The following SKAP2 variants were observed in gnomAD, a reference collection of about 807,000 sequenced individuals.
The protein encoded by SKAP2 is src kinase associated phosphoprotein 2, also known as src kinase-associated phosphoprotein 2.
In SKAP2, 28 loss-of-function variants were observed where a neutral mutation model predicts 54.9. That is an observed-to-expected ratio of 0.51 (90% CI 0.38 to 0.70). The LOEUF is 0.70. SKAP2 is among the 30% of genes least tolerant of loss of function. The pLI, the probability that SKAP2 is intolerant of heterozygous loss-of-function variation, is 0.00. For synonymous variants in SKAP2, 137 were observed against 134.3 expected (o/e 1.02, Z -0.14); for missense variants, 356 against 424.1 (o/e 0.84, Z 1.41).
intron 11 of SKAP2, among the ~76,000 whole-genome samples, chr7:26,680,762 T>C (rs998130223): frequency 6.6e-6 from 1 of 152,212 alleles, no homozygotes; most frequent in Non-Finnish European, 1.5e-5. Context: ...TTAGTGAGGT[T>C]CAAAGGTGAA....
intron 9 of SKAP2, among the ~76,000 whole-genome samples, chr7:26,712,031 T>C (rs1420072260): frequency 6.6e-6 from 1 of 152,154 alleles, no homozygotes; most frequent in Non-Finnish European, 1.5e-5. Flanking sequence ...TTGAGGGTTC[T>C]TTTTTTAAAC....
intron 9 of SKAP2, among the ~76,000 whole-genome samples, chr7:26,700,590 C>G (rs1179170096): frequency 6.6e-6 from 1 of 152,142 alleles, no homozygotes; most frequent in African/African-American, 2.4e-5. Context: ...GGCTTGGAGC[C>G]AATGAATAGC....
At chr7:26,661,737 T>G in the SKAP2 span, among the ~76,000 whole-genome samples, 1 of 152,184 alleles carries the variant, frequency 6.6e-6, no homozygotes, top group Admixed American at 6.5e-5. Flanking sequence ...ACTAAAATTA[T>G]TTCAAGTAGT....
chr7:26,839,039 G>A (rs1784767500), intron 4 of SKAP2, among the ~76,000 whole-genome samples: 1 of 152,014 alleles, frequency 6.6e-6, no homozygotes. Context: ...ATAATGTTGA[G>A]TTTTACTTAA....
At chr7:26,833,481 G>A (rs1014551580) in intron 4 of SKAP2, among the ~76,000 whole-genome samples, 2 of 151,498 alleles carry the variant, frequency 1.3e-5, no homozygotes, top group South Asian at 2.1e-4. Flanking sequence ...AGACCCATCT[G>A]ACGTGCAAAG....
At chr7:26,828,313 T>C (rs1373388913) in intron 4 of SKAP2, among the ~76,000 whole-genome samples, 1 of 152,182 alleles carries the variant, frequency 6.6e-6, no homozygotes, top group Non-Finnish European at 1.5e-5. Context: ...TAGCGGTATA[T>C]AAACAAAATA....
intron 4 of SKAP2, among the ~76,000 whole-genome samples, chr7:26,743,270 C>A (rs1782493811): frequency 1.3e-5 from 2 of 152,144 alleles, no homozygotes; most frequent in South Asian, 4.1e-4. Context: ...CGTTAGCTTT[C>A]ATTACCTATT....
Position 26,667,314 on chromosome 7 carries a change from G to A in SKAP2, c.*2352C>T, listed in dbSNP as rs1230303902. 6.6e-6 allele frequency: 1 copy of A among 152,088 alleles called. No homozygotes were observed. Among genetic ancestry groups the A allele is most frequent in the Admixed American group, 6.6e-5 (1 of 15,246 alleles). The allele number at this position is 152,088 out of a possible 1,614,324, so 9.4% of individuals were successfully genotyped here. On this transcript the variant is annotated 3_prime_UTR_variant, in exon 13 of 13. Coordinates refer to ENST00000345317, the MANE Select transcript of SKAP2 (RefSeq NM_003930.5). ...AGCATATTTTCTAACAAGCCATGTT[G>A]TTTAAATTTATATTAATGATATTAT... is the stretch of plus-strand genomic sequence containing the variant.
At chr7:26,858,324 A>T (rs1390457858) in intron 1 of SKAP2, among the ~76,000 whole-genome samples, 1 of 152,206 alleles carries the variant, frequency 6.6e-6, no homozygotes. Flanking sequence ...TCCTGGTGAA[A>T]GTAAACGTGA....
chr7:26,750,313 C>CTTT (rs70946231), intron 4 of SKAP2, among the ~76,000 whole-genome samples: 3,266 of 134,918 alleles, frequency 0.024, 177 homozygotes, highest in African/African-American at 0.086. Context: ...ATATACCATA[C>CTTT]TTTTTTTTTT....
In SKAP2 at chr7:26,739,914, C is replaced by T. The variant is rs574072209; in HGVS notation, c.358G>A (p.Ala120Thr). ...AAQDLPFVLK[A>T]GYLEKRRKDH... ...TTTCTGCGTTTTTCAAGGTAGCCAG[C>T]CTTTAGAACAAAAGGAAGGTCTTGT... is the stretch of plus-strand genomic sequence containing the variant. Residue 120 changes from alanine (A) to threonine (T), a missense_variant, in exon 5 of 13, where the codon GCT becomes ACT. By Grantham distance (58) the Ala-to-Thr change is moderately conservative (BLOSUM62 0). Transcript: ENST00000345317. 16 of 1,611,878 alleles carry T rather than the reference C, an allele frequency of 9.9e-6. No individual in the cohort carries two copies. The Admixed American group carries it at 2.2e-4, about 22-fold the overall frequency.
At chr7:26,725,892 T>A (rs1562588510) in intron 8 of SKAP2, 31 bp downstream of exon 8, 2 of 1,541,134 alleles carry the variant, frequency 1.3e-6, no homozygotes, top group South Asian at 2.2e-5. Context: ...ATTTAAAGAC[T>A]GTGATAACTT....
chr7:26,747,233 C>T (rs1009199549), intron 4 of SKAP2, among the ~76,000 whole-genome samples: 14 of 152,170 alleles, frequency 9.2e-5, no homozygotes, highest in Middle Eastern at 3.4e-3. Context: ...CTAGTACTGG[C>T]GATCTCTAAG....
intron 4 of SKAP2, among the ~76,000 whole-genome samples, chr7:26,777,648 A>G (rs1362170325): frequency 1.3e-5 from 2 of 152,150 alleles, no homozygotes; most frequent in African/African-American, 4.8e-5. Flanking sequence ...AGTACCCAAA[A>G]TGCTGGCAGA....
chr7:26,818,557 A>G (rs1383996952), intron 4 of SKAP2, among the ~76,000 whole-genome samples: 1 of 152,224 alleles, frequency 6.6e-6, no homozygotes, highest in Non-Finnish European at 1.5e-5. Flanking sequence ...AAGCAATGGC[A>G]ACAAAAGCCA....
chr7:26,828,715 T>C lies in SKAP2; in HGVS notation c.307+15315A>G, dbSNP rs888658553. ...AATAGAATCTTCAGTTAGGCAGACA[T>C]CTTAGACACGTCACAAAAGAACAAG... On this transcript the variant is annotated intron_variant, in intron 4 of 12. Coordinates refer to ENST00000345317, the MANE Select transcript of SKAP2 (RefSeq NM_003930.5). Among the ~76,000 whole-genome samples, 3 of 128,704 alleles carry C rather than the reference T, an allele frequency of 2.3e-5. No homozygotes were observed. The Admixed American group carries it at 2.5e-4, about 11-fold the overall frequency. 84.4% of individuals were successfully genotyped at this position (128,704 alleles called of 152,430 possible).
intron 4 of SKAP2, among the ~76,000 whole-genome samples, chr7:26,771,054 A>G (rs1190349640): frequency 6.6e-6 from 1 of 152,214 alleles, no homozygotes. Context: ...GGAACCTTCT[A>G]GTTATGATCT....
At chr7:26,737,957 A>T (rs1374845671) in intron 6 of SKAP2, among the ~76,000 whole-genome samples, 1 of 152,150 alleles carries the variant, frequency 6.6e-6, no homozygotes, top group Non-Finnish European at 1.5e-5. Context: ...TTAAAATCCC[A>T]AATTTGAGCT....
At chr7:26,719,543 A>G (rs1455526829) in intron 9 of SKAP2, among the ~76,000 whole-genome samples, 1 of 152,188 alleles carries the variant, frequency 6.6e-6, no homozygotes, top group Non-Finnish European at 1.5e-5. Flanking sequence ...CTTTTCCTTC[A>G]GCCTCAAAAG....
Sources: gnomAD v4.1 joint callset for allele counts (sites outside exome capture counted in the v4.1 genomes callset) on GRCh38, gnomAD v4.1.1 for gene constraint, MANE v1.5 for transcripts, NCBI Gene and HGNC (gene_info 2026-07-23, HGNC 2026-07-21) for gene names.